PGLS: variants seen among roughly 807,000 people sequenced by gnomAD.
PGLS encodes epididymis secretory protein Li 304.
In PGLS, 21 loss-of-function variants were observed where a neutral mutation model predicts 23.2. The ratio of observed to expected loss-of-function variants is 0.91; its 90% CI spans 0.64 to 1.31. PGLS has a LOEUF of 1.31. PGLS is among the 50% of genes most tolerant of loss of function. PGLS has a pLI of 0.00. For synonymous variants in PGLS, 179 were observed against 165.4 expected, an observed-to-expected ratio of 1.08 and a Z score of -0.63; for missense variants, 410 against 354.0, an observed-to-expected ratio of 1.16 and a Z score of -1.27.
chr19:17,518,388 G>C (rs1041945883), intron 4 of PGLS: 2 of 152,056 alleles, frequency 1.3e-5, no homozygotes, highest in Non-Finnish European at 2.9e-5. Context: ...AAAAGGTACT[G>C]TTATGTAAAG....
intron 4 of PGLS, among the ~76,000 whole-genome samples, chr19:17,519,765 G>A (rs2075549047): frequency 6.6e-6 from 1 of 152,116 alleles, no homozygotes; most frequent in Admixed American, 6.6e-5. Context: ...CTGTTCTGGG[G>A]CCAGAACTGC....
At position 17,521,170 on chromosome 19, in the gene PGLS, A is replaced by G; in HGVS notation, c.*89A>G. On this transcript the variant is annotated 3_prime_UTR_variant, in exon 5 of 5. Transcript: ENST00000252603. ...CCGCCACTCTCCGGGCTCTCCTTTC[A>G]AAAAGCCACGTCGTGCTGCTGCTGG... The G allele has an allele frequency of 3.0e-6, 4 of 1,347,766 alleles. No individual in the cohort carries two copies. Among genetic ancestry groups the G allele is most frequent in the South Asian group, 1.5e-5 (1 of 65,842 alleles). 83.5% of individuals were successfully genotyped at this position (1,347,766 alleles called of 1,614,324 possible). A position where few individuals can be genotyped will look rare whatever the true frequency, so the allele number is the denominator to read the frequency against.
chr19:17,513,512 TA>T (rs34816451), intron 1 of PGLS, among the ~76,000 whole-genome samples: 123 of 137,762 alleles, frequency 8.9e-4, no homozygotes, highest in Middle Eastern at 3.9e-3. Flanking sequence ...GTCTTAAAGA[TA>T]AAAAAAAAAA....
At chr19:17,512,188 C>T (rs2144640082) in intron 1 of PGLS, 1 of 511,752 alleles carries the variant, frequency 2.0e-6, no homozygotes, top group Non-Finnish European at 3.4e-6. Context: ...CCACCGGTTG[C>T]CCTCGGCTAC....
intron 1 of PGLS, among the ~76,000 whole-genome samples, chr19:17,514,206 C>T (rs1029902028): frequency 1.3e-5 from 2 of 152,026 alleles, no homozygotes; most frequent in Admixed American, 1.3e-4. Context: ...TGGGAGGATC[C>T]TTCATTTTCT....
chr19:17,519,905 G>A (rs1469677317), intron 4 of PGLS, among the ~76,000 whole-genome samples: 1 of 152,142 alleles, frequency 6.6e-6, no homozygotes, highest in Non-Finnish European at 1.5e-5. Flanking sequence ...GCTCATGCCT[G>A]CACTTTGGGA....
chr19:17,520,871 G>A (rs548830699), intron 4 of PGLS, 73 bp from the exon 5 acceptor site: 14 of 1,428,498 alleles, frequency 9.8e-6, no homozygotes, highest in Non-Finnish European at 1.3e-5. Context: ...TCCTTGGTTG[G>A]GGAGCCAGGA....
intron 1 of PGLS, among the ~76,000 whole-genome samples, chr19:17,513,687 C>T (rs1296633964): frequency 1.3e-5 from 2 of 151,954 alleles, no homozygotes; most frequent in African/African-American, 4.8e-5. Flanking sequence ...GGTGTGGTGG[C>T]GTGTGCCTGT....
chr19:17,512,230 A>T, intron 1 of PGLS: 1 of 458,026 alleles, frequency 2.2e-6, no homozygotes. Flanking sequence ...CGAGATGGTC[A>T]CGCCCACTGC....
intron 1 of PGLS, chr19:17,512,323 C>G: frequency 3.2e-6 from 1 of 311,538 alleles, no homozygotes. Flanking sequence ...GTGGGTCCCG[C>G]AGGACCTCAC....
intron 4 of PGLS, chr19:17,518,396 A>C (rs1183444701): frequency 6.6e-6 from 1 of 152,264 alleles, no homozygotes; most frequent in Non-Finnish European, 1.5e-5. Context: ...CTGTTATGTA[A>C]AGTATTTTAG....
At chr19:17,514,495 T>C (rs2075524142) in intron 1 of PGLS, among the ~76,000 whole-genome samples, 1 of 151,908 alleles carries the variant, frequency 6.6e-6, no homozygotes. Context: ...TTCCTTTCCT[T>C]TTCTTTCTTT....
intron 3 of PGLS, 118 bp from the exon 4 acceptor site, chr19:17,517,592 T>C (rs1489650543): frequency 2.5e-6 from 3 of 1,191,218 alleles, no homozygotes; most frequent in Middle Eastern, 4.3e-4. Context: ...CTACCCACCA[T>C]GGGATTGTTA....
At chr19:17,518,914 A>C (rs543535822) in intron 4 of PGLS, among the ~76,000 whole-genome samples, 2 of 152,324 alleles carry the variant, frequency 1.3e-5, no homozygotes, top group East Asian at 3.9e-4. Flanking sequence ...CAGGAGGCTA[A>C]GGCAGGAGGA....
In PGLS at chr19:17,516,136, G is replaced by A. The variant is rs755540778; in HGVS notation, c.289-37G>A. ...CTCCCTGGAGGATCCAGGTGGTCAC[G>A]TTACTGTTGGTGACATTGTCCCTCT... On this transcript the variant is annotated intron_variant, in intron 1 of 4. Transcript: ENST00000252603. 5.3e-6 allele frequency: 8 copies of A among 1,509,518 alleles called. No homozygotes were observed. The African/African-American group carries it at 6.9e-5, about 13-fold the overall frequency. 93.5% of individuals were successfully genotyped at this position (1,509,518 alleles called of 1,614,324 possible).
intron 1 of PGLS, among the ~76,000 whole-genome samples, chr19:17,515,242 A>G (rs192052600): frequency 9.9e-5 from 15 of 152,190 alleles, no homozygotes; most frequent in Admixed American, 2.0e-4. Flanking sequence ...TGGCTCCCCA[A>G]TGCCCTCAGT....
chr19:17,512,279 A>C (rs2075512456), intron 1 of PGLS: 1 of 398,218 alleles, frequency 2.5e-6, no homozygotes, highest in African/African-American at 2.1e-5. Context: ...GGTCTAGCCG[A>C]CAGGGCTCGC....
rs1482139146 is a variant in PGLS, at chr19:17,511,657, C to A, written c.-16C>A. 2.0e-6 allele frequency: 3 copies of A among 1,466,304 alleles called. No homozygotes were observed. In the Admixed American group the frequency reaches 8.0e-5, roughly 39 times the overall value. 90.8% of individuals were successfully genotyped at this position (1,466,304 alleles called of 1,614,324 possible). A position where few individuals can be genotyped will look rare whatever the true frequency, so the allele number is the denominator to read the frequency against. On this transcript the variant is annotated 5_prime_UTR_variant, in exon 1 of 5. Transcript: ENST00000252603. ...GCCGTAGGGAGCGCTTCCTCCTCCC[C>A]GCCGCCGCCCTCGCCATGGCCGCGC...
chr19:17,512,876 T>C (rs1017273360), intron 1 of PGLS: 1 of 152,230 alleles, frequency 6.6e-6, no homozygotes, highest in African/African-American at 2.4e-5. Flanking sequence ...AAAGGCTTAC[T>C]GAACGCTTTA....
Sources: gnomAD v4.1 joint callset for allele counts (sites outside exome capture counted in the v4.1 genomes callset) on GRCh38, gnomAD v4.1.1 for gene constraint, MANE v1.5 for transcripts, NCBI Gene and HGNC (gene_info 2026-07-23, HGNC 2026-07-21) for gene names.